CREB3L2: variants seen among roughly 807,000 people sequenced by gnomAD.
CREB3L2 encodes cAMP responsive element binding protein 3 like 2.
CREB3L2 carries 23 observed loss-of-function variants against 57.2 expected under a neutral mutation model. That is an observed-to-expected ratio of 0.40 (90% CI 0.29 to 0.57). The LOEUF is 0.57. CREB3L2 is among the 20% of genes least tolerant of loss of function. The probability of loss-of-function intolerance (pLI) is 0.42; values close to 1 mark genes in which losing one functional copy is unlikely to be tolerated. For synonymous variants in CREB3L2, 268 were observed against 265.1 expected, an observed-to-expected ratio of 1.01 and a Z score of -0.11; for missense variants, 628 against 634.7, an observed-to-expected ratio of 0.99 and a Z score of 0.11.
intron 3 of CREB3L2, among the ~76,000 whole-genome samples, chr7:137,915,527 A>G (rs1483648290): frequency 6.6e-6 from 1 of 152,076 alleles, no homozygotes; most frequent in Non-Finnish European, 1.5e-5. Flanking sequence ...CTGCTTAAAA[A>G]TCAGTGCCAT....
chr7:137,901,279 G>C lies in CREB3L2; in HGVS notation c.1043+75C>G, dbSNP rs1449557842. 1.3e-5 allele frequency: 13 copies of C among 984,108 alleles called. 1 individual carries two copies. The highest frequency in any genetic ancestry group is 4.1e-5 in the South Asian group (3 of 72,392). The allele number at this position is 984,108 out of a possible 1,614,324, so 61.0% of individuals were successfully genotyped here. On this transcript the variant is annotated intron_variant, in intron 8 of 11. Transcript: ENST00000330387. ...CCTCCTCCACTTTTCTGCCATCCCT[G>C]GTTCTGGATTCTATCCTCTTCCTTC...
At position 137,964,982 on chromosome 7, in the gene CREB3L2, T is replaced by C. The variant is rs149480853; in HGVS notation, c.103-36616A>G. Among the ~76,000 whole-genome samples, 499 of 152,292 alleles carry C rather than the reference T, an allele frequency of 3.3e-3. 1 individual carries two copies. The highest frequency in any genetic ancestry group is 0.012 in the African/African-American group (486 of 41,548). ...TTGCCTTCCGCCAACCACGTGGAAT[T>C]GTGAGTCCATGAAACCTCTTTTTCT... On this transcript the variant is annotated intron_variant, in intron 1 of 11. Coordinates refer to ENST00000330387, the MANE Select transcript of CREB3L2 (RefSeq NM_194071.4).
chr7:137,935,284 A>G (rs1274700104), intron 1 of CREB3L2, among the ~76,000 whole-genome samples: 1 of 152,246 alleles, frequency 6.6e-6, no homozygotes, highest in African/African-American at 2.4e-5. Context: ...TTAAAAAACT[A>G]ACATAATTAA....
In CREB3L2 at chr7:137,880,339, G is replaced by A. The variant is rs1194448803; in HGVS notation, c.*137C>T. 1.4e-6 allele frequency: 1 copy of A among 704,956 alleles called. No homozygotes were observed. The highest frequency in any genetic ancestry group is 2.5e-6 in the Non-Finnish European group (1 of 394,766). 43.7% of individuals were successfully genotyped at this position (704,956 alleles called of 1,614,324 possible). On this transcript the variant is annotated 3_prime_UTR_variant, in exon 12 of 12. Coordinates refer to ENST00000330387, the MANE Select transcript of CREB3L2 (RefSeq NM_194071.4). This position sits in a 1 kb window ranked among gnomAD's most constrained non-coding sequence, Gnocchi z 4.0. ...CTCACTGCAGGGAAGTCCCAGGCTGGTCTCCAATCTGAAGCCACTAATGCT... is the reference window on the plus strand; with the variant it reads ...CTCACTGCAGGGAAGTCCCAGGCTGATCTCCAATCTGAAGCCACTAATGCT...
chr7:137,960,809 C>CTT (rs66493086), intron 1 of CREB3L2, among the ~76,000 whole-genome samples: 33 of 95,576 alleles, frequency 3.5e-4, no homozygotes, highest in Middle Eastern at 7.2e-3. Flanking sequence ...TAAATTATTT[C>CTT]TTTTTTTTTT....
In CREB3L2 at chr7:137,890,619, G is replaced by A. The variant is rs115652212; in HGVS notation, c.1044-5117C>T. Among the ~76,000 whole-genome samples the A allele has an allele frequency of 6.0e-3, 917 of 152,286 alleles. 10 individuals are homozygous for A. Among genetic ancestry groups the A allele is most frequent in the African/African-American group, 0.021 (854 of 41,548 alleles). On this transcript the variant is annotated intron_variant, in intron 8 of 11. Transcript: ENST00000330387. ...ATGCCCCCTCCCAGGGTAACTCTGC[G>A]TTTGCTGAAGCAAATACATCTTTGA...
intron 1 of CREB3L2, among the ~76,000 whole-genome samples, chr7:137,946,558 C>T (rs1246918113): frequency 6.6e-6 from 1 of 151,510 alleles, no homozygotes; most frequent in African/African-American, 2.4e-5. Flanking sequence ...AGGACAGGAC[C>T]CAGCTAAGCC....
At chr7:137,901,888 A>AAAAAG (rs1799768454) in intron 7 of CREB3L2, among the ~76,000 whole-genome samples, 1 of 149,026 alleles carries the variant, frequency 6.7e-6, no homozygotes, top group African/African-American at 2.5e-5. Flanking sequence ...AAAAAAAAAA[A>AAAAAG]AAAAGAAAAA....
chr7:137,979,449 G>A (rs1009144845), intron 1 of CREB3L2, among the ~76,000 whole-genome samples: 6 of 152,264 alleles, frequency 3.9e-5, no homozygotes, highest in East Asian at 1.9e-4. Context: ...GCTGCCGGCC[G>A]GGCGCGGTGG....
Position 137,916,001 on chromosome 7 carries a change from T to G in CREB3L2, c.331A>C (p.Ser111Arg). ...SDSFNDDEVE[S>R]EKWYLSTDFP... ...TCTGTAGACAGGTACCATTTCTCACTTTCCACCTCATCTGCAGGAAAAAAG... is the reference window on the plus strand; with the variant it reads ...TCTGTAGACAGGTACCATTTCTCACGTTCCACCTCATCTGCAGGAAAAAAG... Residue 111 changes from serine to arginine, a missense_variant, in exon 3 of 12, where the codon AGT becomes CGT. This residue lies in a region of CREB3L2 where 339 missense variants were observed against 355.4 expected (regional missense o/e 0.95). Coordinates refer to ENST00000330387, the MANE Select transcript of CREB3L2 (RefSeq NM_194071.4). 1.2e-6 allele frequency: 2 copies of G among 1,612,356 alleles called. No individual in the cohort carries two copies. The highest frequency in any genetic ancestry group is 1.7e-6 in the Non-Finnish European group (2 of 1,179,262).
rs35280186 is a variant in CREB3L2 at position 137,971,678 on chromosome 7, C to CAA, written c.102+29924_102+29925dup. On this transcript the variant is annotated intron_variant, in intron 1 of 11. Coordinates refer to ENST00000330387, the MANE Select transcript of CREB3L2 (RefSeq NM_194071.4). ...TAATCATTAACTTCTCTGGATGGTA[C>CAA]AAAAAAAAAAAAGGCCAGGGTCTGT... Among the ~76,000 whole-genome samples, 835 of 129,428 alleles carry CAA rather than the reference C, an allele frequency of 6.5e-3. 8 individuals carry two copies. Among genetic ancestry groups the CAA allele is most frequent in the African/African-American group, 0.02 (750 of 36,746 alleles). The allele number at this position is 129,428 out of a possible 152,430, so 84.9% of individuals were successfully genotyped here. A position where few individuals can be genotyped will look rare whatever the true frequency, so the allele number is the denominator to read the frequency against.
chr7:137,925,184 AAGG>A (rs1451044313), intron 2 of CREB3L2, among the ~76,000 whole-genome samples: 1 of 152,092 alleles, frequency 6.6e-6, no homozygotes. Flanking sequence ...TTCTAGTGGG[AAGG>A]AGAAGGAGAG....
At chr7:137,928,407 C>A in intron 1 of CREB3L2, 41 bp from the exon 2 acceptor site, 1 of 1,500,394 alleles carries the variant, frequency 6.7e-7, no homozygotes. Context: ...TTCTCTTAAC[C>A]ATAATGTGAC....
In CREB3L2 at chr7:137,999,379, T is replaced by TACACACACACACACAC. The variant is rs60762009; in HGVS notation, c.102+2209_102+2224dup. On this transcript the variant is annotated intron_variant, in intron 1 of 11. Coordinates refer to ENST00000330387, the MANE Select transcript of CREB3L2 (RefSeq NM_194071.4). ...ATAATGTTTATTGTTTATGTTCCCCTACACACACACACACACACACACACA... is the reference window on the plus strand; with the variant it reads ...ATAATGTTTATTGTTTATGTTCCCCTACACACACACACACACACACACACACACACACACACACACA... Among the ~76,000 whole-genome samples the TACACACACACACACAC allele has an allele frequency of 1.6e-3, 232 of 142,414 alleles. 3 individuals are homozygous for TACACACACACACACAC. The highest frequency in any genetic ancestry group is 0.014 in the Middle Eastern group (4 of 284). The allele number at this position is 142,414 out of a possible 152,430, so 93.4% of individuals were successfully genotyped here.
At chr7:137,890,288 T>C (rs1449456351) in intron 8 of CREB3L2, among the ~76,000 whole-genome samples, 3 of 152,184 alleles carry the variant, frequency 2.0e-5, no homozygotes, top group Non-Finnish European at 4.4e-5. Flanking sequence ...ATGCAGATAA[T>C]AGATAAAAGA....
intron 4 of CREB3L2, among the ~76,000 whole-genome samples, chr7:137,911,561 G>A (rs2117213311): frequency 6.6e-6 from 1 of 152,360 alleles, no homozygotes; most frequent in Admixed American, 6.5e-5. Context: ...AATGGGACCG[G>A]GTGAGGTGGC....
chr7:137,998,967 A>T (rs11772216), intron 1 of CREB3L2, among the ~76,000 whole-genome samples: 2 of 151,932 alleles, frequency 1.3e-5, no homozygotes, highest in Non-Finnish European at 2.9e-5. Flanking sequence ...CTCGTATTTG[A>T]ACCTCACCCT....
Position 137,908,365 on chromosome 7 carries a change from T to C in CREB3L2, c.655A>G (p.Ser219Gly). The C allele has an allele frequency of 7.9e-7, 1 of 1,260,708 alleles. No individual in the cohort carries two copies. Among genetic ancestry groups the C allele is most frequent in the Non-Finnish European group, 1.0e-6 (1 of 994,430 alleles). 78.1% of individuals were successfully genotyped at this position (1,260,708 alleles called of 1,614,324 possible). Residue 219 changes from serine (S) to glycine (G), a missense_variant, in exon 5 of 12, where the codon AGT becomes GGT. This residue lies in a region of CREB3L2 where 339 missense variants were observed against 355.4 expected (regional missense o/e 0.95). Coordinates refer to ENST00000330387, the MANE Select transcript of CREB3L2 (RefSeq NM_194071.4). ...AAGGGGTGCAGGCGTGGGTTGGGAC[T>C]CAGGCTGCCCTCTGAGTCACTGCCG... ...SHGSDSEGSL[S>G]PNPRLHPFSL...
intron 3 of CREB3L2, among the ~76,000 whole-genome samples, chr7:137,913,529 G>GA (rs1198490930): frequency 6.4e-5 from 9 of 141,474 alleles, no homozygotes; most frequent in East Asian, 2.1e-4. Flanking sequence ...AAAGAAAAAA[G>GA]AAAAAAAAAG....
Sources: allele counts gnomAD v4.1 joint callset (sites outside exome capture counted in the v4.1 genomes callset), GRCh38; gene constraint gnomAD v4.1.1; regional missense constraint gnomAD v4.1.1; non-coding constraint Gnocchi (gnomAD v3.1); transcripts MANE v1.5; gene names NCBI Gene and HGNC (gene_info 2026-07-23, HGNC 2026-07-21).